FNDC1: variants seen among roughly 807,000 people sequenced by gnomAD.
FNDC1 encodes fibronectin type III domain containing 1, also known as fibronectin type III domain-containing protein 1.
A neutral mutation model predicts 168.0 loss-of-function variants in FNDC1; 96 were observed. The ratio of observed to expected loss-of-function variants is 0.57; its 90% CI spans 0.48 to 0.68. The LOEUF is 0.68. FNDC1 is among the 30% of genes least tolerant of loss of function. FNDC1 has a pLI of 0.00. For synonymous variants in FNDC1, 1,099 were observed against 1,025.9 expected, an observed-to-expected ratio of 1.07 and a Z score of -1.36; for missense variants, 2,587 against 2,482.1, an observed-to-expected ratio of 1.04 and a Z score of -0.90.
At chr6:159,172,504 A>C (rs1157959070) in intron 1 of FNDC1, among the ~76,000 whole-genome samples, 1 of 152,230 alleles carries the variant, frequency 6.6e-6, no homozygotes, top group Non-Finnish European at 1.5e-5. Flanking sequence ...CCCAATATTT[A>C]AATTTTTTTC....
At chr6:159,265,481 T>C (rs1777571512) in intron 20 of FNDC1, among the ~76,000 whole-genome samples, 1 of 152,230 alleles carries the variant, frequency 6.6e-6, no homozygotes, top group Non-Finnish European at 1.5e-5. Flanking sequence ...CATTACAGCT[T>C]ATTTTCCTTG....
chr6:159,221,854 C>T (rs1328710090), intron 6 of FNDC1, among the ~76,000 whole-genome samples, 158 bp downstream of exon 6: 1 of 152,180 alleles, frequency 6.6e-6, no homozygotes, highest in Non-Finnish European at 1.5e-5. Flanking sequence ...AAGCGTGCTG[C>T]TTTTATATGC....
In FNDC1 at chr6:159,232,004, C is replaced by G; in HGVS notation, c.1492C>G (p.Gln498Glu). ...ACACCCCTCTGTGCCTGCTTCTCCC[C>G]AAGGGAGAAATGCCAAGGACCTTCT... ...SQHPSVPASPQGRNAKDLLLD... is the reference protein window; with the variant it reads ...SQHPSVPASPEGRNAKDLLLD... Residue 498 changes from glutamine (Q) to glutamate (E), a missense_variant, in exon 11 of 23, where the codon CAA (glutamine) becomes GAA (glutamate). Coordinates refer to ENST00000297267, the MANE Select transcript of FNDC1 (RefSeq NM_032532.3). This position sits in a 1 kb window ranked among gnomAD's most constrained non-coding sequence, Gnocchi z 4.9. The G allele has an allele frequency of 6.2e-7, 1 of 1,613,892 alleles. No homozygotes were observed. Among genetic ancestry groups the G allele is most frequent in the East Asian group, 2.2e-5 (1 of 44,862 alleles).
intron 4 of FNDC1, among the ~76,000 whole-genome samples, chr6:159,201,818 T>C (rs141706478): frequency 1.3e-4 from 20 of 152,368 alleles, no homozygotes; most frequent in Admixed American, 4.6e-4. Context: ...TTGAATCTTA[T>C]ATTTTGTGTT....
At position 159,232,932 on chromosome 6, in the gene FNDC1, C is replaced by A. The variant is rs1436721059; in HGVS notation, c.2420C>A (p.Thr807Lys). 1.2e-6 allele frequency: 2 copies of A among 1,610,292 alleles called. No individual in the cohort carries two copies. Among genetic ancestry groups the A allele is most frequent in the African/African-American group, 1.3e-5 (1 of 74,912 alleles). ...AGGCAGGCGGAGGCCACGGCCCAGACGCTGCGGGCCCGGCCTGCCTCTGGA... is the reference window on the plus strand; with the variant it reads ...AGGCAGGCGGAGGCCACGGCCCAGAAGCTGCGGGCCCGGCCTGCCTCTGGA... The part of the protein sequence containing the change: ...GGRQAEATAQ[T>K]LRARPASGHF... Residue 807 changes from threonine (T) to lysine (K), a missense_variant, in exon 11 of 23, where the codon ACG (threonine) becomes AAG (lysine). By Grantham distance (78) the Thr-to-Lys change is moderately conservative (BLOSUM62 -1). Transcript: ENST00000297267. This position sits in a 1 kb window ranked among gnomAD's most constrained non-coding sequence, Gnocchi z 4.9.
In FNDC1 at chr6:159,256,570, T is replaced by A; in HGVS notation, c.5113T>A (p.Trp1705Arg). The A allele has an allele frequency of 1.2e-6, 2 of 1,613,974 alleles. No individual in the cohort carries two copies. The highest frequency in any genetic ancestry group is 1.7e-6 in the Non-Finnish European group (2 of 1,179,872). Residue 1705 changes from tryptophan (W) to arginine (R), a missense_variant, in exon 18 of 23, where the codon TGG becomes AGG. By Grantham distance (101) the Trp-to-Arg change is moderately radical (BLOSUM62 -3). Transcript: ENST00000297267. Reference sequence around the variant, plus strand: ...CTATGAAGACTTCATCAGGAACAAGTGGTCCACTCAAGCTTCATCAGTAAC... The same window carrying A: ...CTATGAAGACTTCATCAGGAACAAGAGGTCCACTCAAGCTTCATCAGTAAC... ...ASYEDFIRNK[W>R]STQASSVTHL...
rs774987533 is a variant in FNDC1, at chr6:159,246,865, C to T, written c.4622-36C>T. ...TTCTGAGAGAACCCTGGAGAAGGAG[C>T]GCTGGATGACTGGTCCTTTTCTCTG... On this transcript the variant is annotated intron_variant, in intron 14 of 22. Coordinates refer to ENST00000297267, the MANE Select transcript of FNDC1 (RefSeq NM_032532.3). 1.3e-4 allele frequency: 193 copies of T among 1,466,754 alleles called. 2 individuals are homozygous for T. The highest frequency in any genetic ancestry group is 4.5e-4 in the South Asian group (40 of 88,090). 90.9% of individuals were successfully genotyped at this position (1,466,754 alleles called of 1,614,324 possible). A position where few individuals can be genotyped will look rare whatever the true frequency, so the allele number is the denominator to read the frequency against.
chr6:159,232,604 C>A lies in FNDC1; in HGVS notation c.2092C>A (p.Arg698=), dbSNP rs1339056386. 6.2e-7 allele frequency: 1 copy of A among 1,607,554 alleles called. No individual in the cohort carries two copies. Among genetic ancestry groups the A allele is most frequent in the Admixed American group, 1.7e-5 (1 of 59,544 alleles). The part of the protein sequence containing the change: ...HPGAKPASPA[R]RTPHSGAAEE... ...CGGCGCAAAGCCAGCCTCGCCGGCC[C>A]GGAGGACCCCCCATTCAGGGGCCGC... is the stretch of plus-strand genomic sequence containing the variant. Residue 698 remains arginine (R), a synonymous_variant, in exon 11 of 23, where the codon CGG becomes AGG. Coordinates refer to ENST00000297267, the MANE Select transcript of FNDC1 (RefSeq NM_032532.3). This position sits in a 1 kb window ranked among gnomAD's most constrained non-coding sequence, Gnocchi z 4.9.
At chr6:159,237,552 C>A (rs758029461) in intron 12 of FNDC1, among the ~76,000 whole-genome samples, 1 of 152,138 alleles carries the variant, frequency 6.6e-6, no homozygotes, top group Non-Finnish European at 1.5e-5. Flanking sequence ...TATTAGGCAA[C>A]GTGATTACAA....
intron 1 of FNDC1, among the ~76,000 whole-genome samples, chr6:159,177,890 G>T (rs543830426): frequency 6.6e-6 from 1 of 152,138 alleles, no homozygotes; most frequent in Non-Finnish European, 1.5e-5. Context: ...AGACATAAAG[G>T]TCGGTGGTTT....
In FNDC1 at chr6:159,211,391, GTTCTTT is replaced by G. The variant is rs533328920; in HGVS notation, c.461-3552_461-3547del. Among the ~76,000 whole-genome samples the G allele has an allele frequency of 2.1e-4, 32 of 152,312 alleles. No individual in the cohort carries two copies. The South Asian group carries it at 6.6e-3, about 32-fold the overall frequency. On this transcript the variant is annotated intron_variant, in intron 4 of 22. Coordinates refer to ENST00000297267, the MANE Select transcript of FNDC1 (RefSeq NM_032532.3). ...AGCCGCCAGACAGCTGTGGTCATGCGTTCTTTTACACCAATGAAGAGAGGGATTTCG... is the reference window on the plus strand; with the variant it reads ...AGCCGCCAGACAGCTGTGGTCATGCGTACACCAATGAAGAGAGGGATTTCG...
chr6:159,220,198 G>A (rs956892799), intron 5 of FNDC1, among the ~76,000 whole-genome samples: 1 of 152,180 alleles, frequency 6.6e-6, no homozygotes, highest in African/African-American at 2.4e-5. Context: ...GCAGCTCACT[G>A]TCCATAAACA....
chr6:159,193,886 T>C (rs1484461290), intron 1 of FNDC1, among the ~76,000 whole-genome samples: 1 of 152,206 alleles, frequency 6.6e-6, no homozygotes, highest in Non-Finnish European at 1.5e-5. Flanking sequence ...ATATTCCCCA[T>C]GGGAGCTATG....
chr6:159,186,317 G>A (rs1252086200), intron 1 of FNDC1, among the ~76,000 whole-genome samples: 2 of 152,174 alleles, frequency 1.3e-5, no homozygotes, highest in South Asian at 2.1e-4. Flanking sequence ...CCCCTGAAAT[G>A]CAAATAAACA....
rs1326977538 is a variant in FNDC1, at chr6:159,239,828, A to G, written c.4492A>G (p.Thr1498Ala). Reference sequence around the variant, plus strand: ...CACAGTCCGAACCACTACGCGGACAACCACCACCACCACCCCCACACCCAC... The same window carrying G: ...CACAGTCCGAACCACTACGCGGACAGCCACCACCACCACCCCCACACCCAC... ...TTTVRTTTRT[T>A]TTTTPTPTTP... The change falls in exon 14 of 23, where the codon ACC becomes GCC. Residue 1498 changes from threonine to alanine, a missense_variant. By Grantham distance (58) the Thr-to-Ala change is moderately conservative. Coordinates refer to ENST00000297267, the MANE Select transcript of FNDC1 (RefSeq NM_032532.3). 7.1e-7 allele frequency: 1 copy of G among 1,416,846 alleles called. No individual in the cohort carries two copies. Among genetic ancestry groups the G allele is most frequent in the Admixed American group, 2.1e-5 (1 of 48,634 alleles). The allele number at this position is 1,416,846 out of a possible 1,614,324, so 87.8% of individuals were successfully genotyped here.
At chr6:159,178,725 A>C (rs1781818910) in intron 1 of FNDC1, among the ~76,000 whole-genome samples, 1 of 151,016 alleles carries the variant, frequency 6.6e-6, no homozygotes, top group Non-Finnish European at 1.5e-5. Flanking sequence ...TGATCACTGC[A>C]GTTAGCTTGC....
intron 11 of FNDC1, among the ~76,000 whole-genome samples, chr6:159,235,546 A>G (rs888028983): frequency 6.6e-6 from 1 of 152,226 alleles, no homozygotes; most frequent in Non-Finnish European, 1.5e-5. Flanking sequence ...CTGACCTGCG[A>G]GTAGCGGTCA....
chr6:159,178,390 T>C (rs1781809610), intron 1 of FNDC1, among the ~76,000 whole-genome samples: 2 of 152,218 alleles, frequency 1.3e-5, no homozygotes, highest in Admixed American at 6.5e-5. Context: ...GGAGTCTCCC[T>C]CTCTGTTGTT....
chr6:159,248,715 T>A (rs1355442771), intron 15 of FNDC1, among the ~76,000 whole-genome samples: 1 of 152,218 alleles, frequency 6.6e-6, no homozygotes, highest in African/African-American at 2.4e-5. Flanking sequence ...TGCCATGAGC[T>A]ACAAGGCTAC....
Sources: gnomAD v4.1 joint callset for allele counts (sites outside exome capture counted in the v4.1 genomes callset) on GRCh38, gnomAD v4.1.1 for gene constraint, Gnocchi (gnomAD v3.1) non-coding constraint, MANE v1.5 for transcripts, NCBI Gene and HGNC (gene_info 2026-07-23, HGNC 2026-07-21) for gene names.